KAT6A: variants seen among roughly 807,000 people sequenced by gnomAD.
KAT6A encodes the protein histone acetyltransferase KAT6A.
In KAT6A, 9 loss-of-function variants were observed where a neutral mutation model predicts 198.4. That is an observed-to-expected ratio of 0.05 (90% CI 0.03 to 0.08). The LOEUF (loss-of-function observed/expected upper bound fraction) is 0.08, where lower values mean the gene tolerates loss of function less well. Among genes scored for constraint, KAT6A ranks in the 10% least tolerant of loss-of-function variants. The pLI is 1.00. For synonymous variants in KAT6A, 890 were observed against 883.0 expected, an observed-to-expected ratio of 1.01 and a Z score of -0.14; for missense variants, 2,077 against 2,509.9, an observed-to-expected ratio of 0.83 and a Z score of 3.69.
At chr8:42,016,296 T>C (rs780323376) in intron 2 of KAT6A, among the ~76,000 whole-genome samples, 11 of 152,210 alleles carry the variant, frequency 7.2e-5, no homozygotes, top group Non-Finnish European at 1.2e-4. Context: ...AGGAAGCAAT[T>C]TGAGAAACAC....
chr8:42,022,845 T>C (rs908141609), intron 2 of KAT6A, among the ~76,000 whole-genome samples: 1 of 152,234 alleles, frequency 6.6e-6, no homozygotes, highest in African/African-American at 2.4e-5. Context: ...GATACACTCA[T>C]ACAATGAAAC....
intron 2 of KAT6A, among the ~76,000 whole-genome samples, chr8:42,047,840 G>A (rs1404062896): frequency 6.6e-6 from 1 of 152,160 alleles, no homozygotes; most frequent in African/African-American, 2.4e-5. Context: ...ACAAACAGCA[G>A]AAACAAGAAT....
chr8:41,940,671 T>C (rs1255582680), intron 15 of KAT6A, among the ~76,000 whole-genome samples, 171 bp downstream of exon 15: 2 of 152,234 alleles, frequency 1.3e-5, no homozygotes, highest in East Asian at 3.9e-4. Context: ...CACACACATC[T>C]CAAATGTTCA....
chr8:42,033,365 A>AT (rs1827221739), intron 2 of KAT6A, among the ~76,000 whole-genome samples: 1 of 152,234 alleles, frequency 6.6e-6, no homozygotes, highest in East Asian at 1.9e-4. Flanking sequence ...TCAAAGTGTG[A>AT]TATCAAGTAT....
At chr8:41,942,427 T>G (rs1381712700) in intron 14 of KAT6A, 1 of 302,160 alleles carries the variant, frequency 3.3e-6, no homozygotes, top group East Asian at 5.1e-5. Context: ...ATTACAGGCA[T>G]GAAACACCAC....
chr8:42,034,247 A>T (rs1827266446), intron 2 of KAT6A, among the ~76,000 whole-genome samples: 1 of 152,218 alleles, frequency 6.6e-6, no homozygotes, highest in South Asian at 2.1e-4. Flanking sequence ...CGCCTGGAGG[A>T]CTTACTAACA....
chr8:41,953,331 G>A (rs1428793727), intron 9 of KAT6A, among the ~76,000 whole-genome samples: 1 of 152,060 alleles, frequency 6.6e-6, no homozygotes, highest in Non-Finnish European at 1.5e-5. Context: ...TATAGTCTCC[G>A]GAACAGTTGA....
intron 2 of KAT6A, among the ~76,000 whole-genome samples, chr8:42,016,409 T>C (rs1826273789): frequency 1.3e-5 from 2 of 152,208 alleles, no homozygotes; most frequent in African/African-American, 4.8e-5. Flanking sequence ...TATAACAAAT[T>C]TGCACACAAT....
chr8:42,031,602 T>C (rs1182403814), intron 2 of KAT6A, among the ~76,000 whole-genome samples: 1 of 150,440 alleles, frequency 6.6e-6, no homozygotes, highest in East Asian at 2.0e-4. Flanking sequence ...GAAATAAATA[T>C]TGAAGGAGCA....
rs894548694 is a variant in KAT6A, at chr8:41,947,601, G to T, written c.1902+150C>A. On this transcript the variant is annotated intron_variant, in intron 11 of 16. Coordinates refer to ENST00000265713, the MANE Select transcript of KAT6A (RefSeq NM_006766.5). The stretch of plus-strand genomic sequence containing the variant: ...GTTACTAAGCACCTTCTAGCACCTG[G>T]TAAGTTTCCAAATGTTCCTTCTATT... 2.0e-5 allele frequency: 12 copies of T among 610,264 alleles called. No homozygotes were observed. The Middle Eastern group carries it at 7.6e-4, about 39-fold the overall frequency. 37.8% of individuals were successfully genotyped at this position (610,264 alleles called of 1,614,324 possible).
At chr8:42,041,252 A>G (rs1827654149) in intron 2 of KAT6A, among the ~76,000 whole-genome samples, 1 of 151,980 alleles carries the variant, frequency 6.6e-6, no homozygotes, top group Admixed American at 6.6e-5. Context: ...ACTATTTTAC[A>G]AACATATCTC....
intron 8 of KAT6A, among the ~76,000 whole-genome samples, chr8:41,971,305 G>A (rs1823784018): frequency 6.6e-6 from 1 of 152,102 alleles, no homozygotes; most frequent in African/African-American, 2.4e-5. Flanking sequence ...TCAAGAGGTG[G>A]TAGGTACTAT....
At chr8:41,978,200 C>A (rs774085456) in intron 6 of KAT6A, among the ~76,000 whole-genome samples, 34 of 152,300 alleles carry the variant, frequency 2.2e-4, no homozygotes, top group Middle Eastern at 6.8e-3. Context: ...GTGATTTGTA[C>A]ACCTAATAGA....
At chr8:41,993,578 C>T (rs942311323) in intron 2 of KAT6A, among the ~76,000 whole-genome samples, 1 of 152,160 alleles carries the variant, frequency 6.6e-6, no homozygotes, top group South Asian at 2.1e-4. Flanking sequence ...CTATTACTGA[C>T]AATGATCATG....
In KAT6A at chr8:41,972,334, T is replaced by G. The variant is rs148572546; in HGVS notation, c.1482+2370A>C. Among the ~76,000 whole-genome samples the G allele has an allele frequency of 8.5e-3, 1,291 of 152,270 alleles. 17 individuals carry two copies. Among genetic ancestry groups the G allele is most frequent in the African/African-American group, 0.03 (1,250 of 41,544 alleles). On this transcript the variant is annotated intron_variant, in intron 8 of 16. Coordinates refer to ENST00000265713, the MANE Select transcript of KAT6A (RefSeq NM_006766.5). ...AAAAATCATCTCTGGATGCTAAATG[T>G]GGTAGATAAAAGTTTGATGAAAAAC...
rs2150852706 is a variant in KAT6A, at chr8:41,930,563, G to T, written c.*1642C>A. 5.3e-6 allele frequency: 1 copy of T among 189,744 alleles called. No individual in the cohort carries two copies. Among genetic ancestry groups the T allele is most frequent in the Non-Finnish European group, 1.1e-5 (1 of 90,974 alleles). The allele number at this position is 189,744 out of a possible 1,614,324, so 11.8% of individuals were successfully genotyped here. ...ATATAAAATGTACAAATAAAGGAGA[G>T]AATTTAATGCTTACAGATATTTCTC... is the stretch of plus-strand genomic sequence containing the variant. On this transcript the variant is annotated 3_prime_UTR_variant, in exon 17 of 17. Transcript: ENST00000265713.
chr8:41,930,240 T>TCCCAACCCC lies in KAT6A; in HGVS notation c.*1964_*1965insGGGGTTGGG. 1 of 149,862 alleles carries TCCCAACCCC rather than the reference T, an allele frequency of 6.7e-6. No individual in the cohort carries two copies. The allele number at this position is 149,862 out of a possible 1,614,324, so 9.3% of individuals were successfully genotyped here. A position where few individuals can be genotyped will look rare whatever the true frequency, so the allele number is the denominator to read the frequency against. On this transcript the variant is annotated 3_prime_UTR_variant, in exon 17 of 17. Transcript: ENST00000265713. ...TGACCCACCCTCCTCCCAATATACC[T>TCCCAACCCC]CCCTCCCGACCCACCCCGTCCCCAC...
At chr8:41,965,947 C>A (rs1001095783) in intron 8 of KAT6A, among the ~76,000 whole-genome samples, 2 of 152,040 alleles carry the variant, frequency 1.3e-5, no homozygotes, top group Non-Finnish European at 2.9e-5. Flanking sequence ...TATTAAAGGC[C>A]GCATAGATGT....
At chr8:42,031,079 T>C (rs532761445) in intron 2 of KAT6A, among the ~76,000 whole-genome samples, 1 of 149,140 alleles carries the variant, frequency 6.7e-6, no homozygotes, top group Admixed American at 6.6e-5. Context: ...AAGTGATCAT[T>C]TGTATACACA....
Sources: allele counts gnomAD v4.1 joint callset (sites outside exome capture counted in the v4.1 genomes callset), GRCh38; gene constraint gnomAD v4.1.1; transcripts MANE v1.5; gene names NCBI Gene and HGNC (gene_info 2026-07-23, HGNC 2026-07-21).